RPA3: variants seen among roughly 807,000 people sequenced by gnomAD.
RPA3 encodes the protein replication protein A3, also known as replication protein A 14 kDa subunit.
In RPA3, 24 loss-of-function variants were observed where a neutral mutation model predicts 13.7. That is an observed-to-expected ratio of 1.75 (90% confidence interval 1.27 to 2.46). The LOEUF is 2.46. Among genes scored for constraint, RPA3 ranks in the 30% most tolerant of loss-of-function variants. The pLI is 0.00. For missense variants in RPA3, 183 were observed against 151.0 expected, an observed-to-expected ratio of 1.21 and a Z score of -1.11; for synonymous variants, 59 against 51.2, an observed-to-expected ratio of 1.15 and a Z score of -0.65.
At chr7:7,665,014 T>TACAC (rs563963870) in intron 4 of RPA3, among the ~76,000 whole-genome samples, 21 of 148,058 alleles carry the variant, frequency 1.4e-4, no homozygotes, top group African/African-American at 4.9e-4. Flanking sequence ...TATATATATA[T>TACAC]ACACACACAC....
chr7:7,668,104 C>T lies in RPA3; in HGVS notation c.-758+17726G>A, dbSNP rs994832613. On this transcript the variant is annotated intron_variant, in intron 4 of 7. Coordinates refer to ENST00000223129, the MANE Select transcript of RPA3 (RefSeq NM_002947.5). The stretch of plus-strand genomic sequence containing the variant: ...GCTAATTTTTTTTTTTGTAGAGACA[C>T]GATTTCGTCATGTTGCCCAGGCTGG... 4.0e-5 allele frequency among the ~76,000 whole-genome samples: 6 copies of T among 151,760 alleles called. No individual in the cohort carries two copies. The South Asian group carries it at 1.0e-3, about 26-fold the overall frequency.
At chr7:7,640,215 G>A in intron 5 of RPA3, 105 bp downstream of exon 5, 1 of 1,182,188 alleles carries the variant, frequency 8.5e-7, no homozygotes, top group South Asian at 1.2e-5. Context: ...GGAGTCGGGG[G>A]CGCAGTGATC....
At chr7:7,708,514 A>T (rs186752944) in intron 2 of RPA3, among the ~76,000 whole-genome samples, 28 of 152,340 alleles carry the variant, frequency 1.8e-4, no homozygotes, top group African/African-American at 6.7e-4. Context: ...CTCTGTTAAG[A>T]AATTAATAGG....
intron 2 of RPA3, among the ~76,000 whole-genome samples, chr7:7,696,319 A>G: frequency 6.6e-6 from 1 of 151,766 alleles, no homozygotes; most frequent in East Asian, 1.9e-4. Context: ...AAAACACCCC[A>G]AAACAAATGT....
chr7:7,678,812 A>T (rs1416454846), intron 4 of RPA3, among the ~76,000 whole-genome samples: 1 of 35,768 alleles, frequency 2.8e-5, no homozygotes, highest in Non-Finnish European at 4.4e-5. Flanking sequence ...ATATATTTAT[A>T]TATTTAGTTT....
At chr7:7,668,701 G>A (rs1779530716) in intron 4 of RPA3, among the ~76,000 whole-genome samples, 1 of 152,126 alleles carries the variant, frequency 6.6e-6, no homozygotes, top group South Asian at 2.1e-4. Flanking sequence ...TCTAAATAAA[G>A]ATAAAAACTT....
At chr7:7,693,907 A>G (rs182899348) in intron 2 of RPA3, among the ~76,000 whole-genome samples, 18 of 152,312 alleles carry the variant, frequency 1.2e-4, no homozygotes, top group African/African-American at 4.1e-4. Context: ...ATATTATCTT[A>G]AAATGGCAAT....
Position 7,636,940 on chromosome 7 carries a change from G to T in RPA3, c.*60C>A. On this transcript the variant is annotated 3_prime_UTR_variant, in exon 8 of 8. Coordinates refer to ENST00000223129, the MANE Select transcript of RPA3 (RefSeq NM_002947.5). ...CAGAAATCTCTCCCTCAAACAAGAA[G>T]GGCTTCCTTTAATAGACTTTAATAT... The T allele has an allele frequency of 8.3e-7, 1 of 1,205,620 alleles. No individual in the cohort carries two copies. 74.7% of individuals were successfully genotyped at this position (1,205,620 alleles called of 1,614,324 possible).
chr7:7,651,757 G>C (rs996577056), intron 4 of RPA3, among the ~76,000 whole-genome samples: 9 of 152,146 alleles, frequency 5.9e-5, no homozygotes, highest in African/African-American at 2.2e-4. Context: ...GACTCTGCTG[G>C]GTGGAAATTG....
rs941964506 is a variant in RPA3, at chr7:7,640,751, T to G, written c.-333A>C. 3.8e-6 allele frequency: 1 copy of G among 262,374 alleles called. No individual in the cohort carries two copies. Among genetic ancestry groups the G allele is most frequent in the East Asian group, 1.0e-4 (1 of 9,742 alleles). 16.3% of individuals were successfully genotyped at this position (262,374 alleles called of 1,614,324 possible). ...TCTGCGATCACAGGATTCCCGGCGG[T>G]GACTTGACCCCGGAAGTGGGGTGTG... On this transcript the variant is annotated 5_prime_UTR_variant, in exon 5 of 8. Coordinates refer to ENST00000223129, the MANE Select transcript of RPA3 (RefSeq NM_002947.5).
At chr7:7,649,579 T>G (rs923927991) in intron 4 of RPA3, among the ~76,000 whole-genome samples, 1 of 152,226 alleles carries the variant, frequency 6.6e-6, no homozygotes, top group South Asian at 2.1e-4. Context: ...TTGTTGTTAT[T>G]TTTTCCTTTC....
intron 4 of RPA3, among the ~76,000 whole-genome samples, chr7:7,642,732 T>A (rs1785003017): frequency 1.3e-5 from 2 of 152,212 alleles, no homozygotes; most frequent in Non-Finnish European, 2.9e-5. Context: ...GTCATTCAGC[T>A]GAAGAAATGG....
At chr7:7,642,574 A>G (rs1232644926) in intron 4 of RPA3, among the ~76,000 whole-genome samples, 1 of 152,042 alleles carries the variant, frequency 6.6e-6, no homozygotes, top group Non-Finnish European at 1.5e-5. Flanking sequence ...CTTTTAAAAC[A>G]GGGAGATGAG....
intron 2 of RPA3, among the ~76,000 whole-genome samples, chr7:7,713,180 T>C (rs185291544): frequency 1.3e-3 from 196 of 149,334 alleles, no homozygotes; most frequent in African/African-American, 4.4e-3. Flanking sequence ...CTACTAAAAA[T>C]ACAAAAAAAA....
At chr7:7,685,283 G>A (rs1780015664) in intron 4 of RPA3, among the ~76,000 whole-genome samples, 1 of 151,240 alleles carries the variant, frequency 6.6e-6, no homozygotes, top group African/African-American at 2.4e-5. Flanking sequence ...TATTATGAAG[G>A]GAAGAATTAT....
At chr7:7,706,310 G>T (rs1780598050) in intron 2 of RPA3, among the ~76,000 whole-genome samples, 1 of 152,144 alleles carries the variant, frequency 6.6e-6, no homozygotes, top group Non-Finnish European at 1.5e-5. Context: ...TAGAAGAGGT[G>T]GAAGTAGTGA....
At chr7:7,655,319 C>T (rs1785315811) in intron 4 of RPA3, among the ~76,000 whole-genome samples, 1 of 152,078 alleles carries the variant, frequency 6.6e-6, no homozygotes, top group Non-Finnish European at 1.5e-5. Context: ...ATCCACGTGT[C>T]TCATTTGGAA....
intron 4 of RPA3, among the ~76,000 whole-genome samples, chr7:7,678,806 A>T (rs1260006677): frequency 2.4e-4 from 9 of 36,978 alleles, no homozygotes; most frequent in Admixed American, 7.7e-4. Flanking sequence ...TTATAAATAT[A>T]TTTATATATT....
At chr7:7,638,186 T>G (rs1784896427) in intron 6 of RPA3, 1 of 413,256 alleles carries the variant, frequency 2.4e-6, no homozygotes. Flanking sequence ...AGCAGTAGCT[T>G]CAAGTCCAAA....
Sources: gnomAD v4.1 joint callset for allele counts (sites outside exome capture counted in the v4.1 genomes callset) on GRCh38, gnomAD v4.1.1 for gene constraint, MANE v1.5 for transcripts, NCBI Gene and HGNC (gene_info 2026-07-23, HGNC 2026-07-21) for gene names.